TRPC7: variants seen among roughly 807,000 people sequenced by gnomAD.
The protein encoded by TRPC7 is transient receptor potential cation channel subfamily C member 7.
Under a neutral mutation model 90.1 loss-of-function variants are expected in TRPC7, and 42 were observed. That is an observed-to-expected ratio of 0.47 (90% confidence interval 0.36 to 0.60). The LOEUF (loss-of-function observed/expected upper bound fraction) is 0.60, where lower values mean the gene tolerates loss of function less well. Among genes scored for constraint, TRPC7 ranks in the 20% least tolerant of loss-of-function variants. The pLI, the probability that TRPC7 is intolerant of heterozygous loss-of-function variation, is 0.00. For missense variants in TRPC7, 955 were observed against 1,112.3 expected (o/e 0.86, Z 2.01); for synonymous variants, 451 against 436.3 (o/e 1.03, Z -0.42).
At chr5:136,297,873 C>G (rs1758235721) in intron 3 of TRPC7, among the ~76,000 whole-genome samples, 2 of 152,162 alleles carry the variant, frequency 1.3e-5, no homozygotes, top group African/African-American at 2.4e-5. Context: ...TGTGAGTTTC[C>G]TCAACAGCAT....
At chr5:136,253,808 T>C (rs532416307) in intron 5 of TRPC7, among the ~76,000 whole-genome samples, 86 of 152,334 alleles carry the variant, frequency 5.6e-4, no homozygotes, top group Non-Finnish European at 7.4e-4. Context: ...ATTTCTCACT[T>C]TAAATCAAAA....
intron 3 of TRPC7, among the ~76,000 whole-genome samples, chr5:136,300,006 T>A (rs2149830408): frequency 6.6e-6 from 1 of 152,294 alleles, no homozygotes; most frequent in East Asian, 1.9e-4. Flanking sequence ...GTATATAAGC[T>A]AAGTCTATGT....
chr5:136,347,428 C>T (rs1162678169), intron 2 of TRPC7, among the ~76,000 whole-genome samples: 1 of 152,124 alleles, frequency 6.6e-6, no homozygotes, highest in Non-Finnish European at 1.5e-5. Flanking sequence ...TTTATTTATG[C>T]TAAAATGAGC....
intron 1 of TRPC7, among the ~76,000 whole-genome samples, chr5:136,363,152 C>T (rs1352201401): frequency 1.3e-5 from 2 of 152,138 alleles, no homozygotes. Context: ...GATGAAGCAG[C>T]TAATATCAGA....
At chr5:136,314,980 A>G (rs1334633644) in intron 3 of TRPC7, among the ~76,000 whole-genome samples, 3 of 152,172 alleles carry the variant, frequency 2.0e-5, no homozygotes. Flanking sequence ...AGTAGCCACT[A>G]CAGGTCTGAG....
chr5:136,317,426 C>T lies in TRPC7; in HGVS notation c.781-1647G>A, dbSNP rs1042823168. On this transcript the variant is annotated intron_variant, in intron 2 of 11. Transcript: ENST00000513104. Reference sequence around the variant, plus strand: ...GAGGGAAGAGGAGGGGCTTGAGTTCCACCCTCAGATTTGCACAAGGCTAAG... The same window carrying T: ...GAGGGAAGAGGAGGGGCTTGAGTTCTACCCTCAGATTTGCACAAGGCTAAG... Among the ~76,000 whole-genome samples, 7 of 152,168 alleles carry T rather than the reference C, an allele frequency of 4.6e-5. No homozygotes were observed. The East Asian group carries it at 5.8e-4, about 13-fold the overall frequency.
chr5:136,287,886 T>G (rs1411143684), intron 3 of TRPC7, among the ~76,000 whole-genome samples: 2 of 151,962 alleles, frequency 1.3e-5, no homozygotes, highest in East Asian at 3.9e-4. Context: ...TTCAGGGCCG[T>G]GGTACAACAC....
intron 3 of TRPC7, among the ~76,000 whole-genome samples, chr5:136,313,082 G>T (rs1246921872): frequency 6.8e-6 from 1 of 147,572 alleles, no homozygotes; most frequent in African/African-American, 2.5e-5. Flanking sequence ...TTCTCATAGT[G>T]TTGGCATTAC....
At chr5:136,213,688 T>C in intron 11 of TRPC7, 84 bp from the exon 12 acceptor site, 1 of 1,467,580 alleles carries the variant, frequency 6.8e-7, no homozygotes, top group Non-Finnish European at 9.4e-7. Flanking sequence ...ATGTGCATCC[T>C]TCCAGTGGAA....
At chr5:136,361,734 C>T (rs1448747894) in intron 1 of TRPC7, among the ~76,000 whole-genome samples, 1 of 152,156 alleles carries the variant, frequency 6.6e-6, no homozygotes, top group Non-Finnish European at 1.5e-5. Context: ...TAGAACCAAA[C>T]AGAATCTAGG....
chr5:136,223,380 G>A (rs566797514), intron 10 of TRPC7, among the ~76,000 whole-genome samples: 3 of 152,266 alleles, frequency 2.0e-5, no homozygotes, highest in South Asian at 4.1e-4. Flanking sequence ...TTGGGAGGCC[G>A]AGGCAGGTGG....
intron 3 of TRPC7, among the ~76,000 whole-genome samples, chr5:136,305,086 C>T (rs1172858659): frequency 6.6e-6 from 1 of 152,210 alleles, no homozygotes; most frequent in African/African-American, 2.4e-5. Context: ...ATACTTTCTG[C>T]TCCCCGGCTC....
At chr5:136,318,043 A>G (rs953571714) in intron 2 of TRPC7, among the ~76,000 whole-genome samples, 2 of 152,228 alleles carry the variant, frequency 1.3e-5, no homozygotes, top group Non-Finnish European at 2.9e-5. Context: ...GCTGGAAGGC[A>G]ATAAGCGTTC....
intron 4 of TRPC7, 135 bp downstream of exon 4, chr5:136,274,538 C>T: frequency 1.0e-6 from 1 of 975,908 alleles, no homozygotes; most frequent in Non-Finnish European, 1.4e-6. Flanking sequence ...TTCCTACTTT[C>T]ACCGGGTATC....
At chr5:136,240,842 G>A (rs1756138878) in intron 7 of TRPC7, among the ~76,000 whole-genome samples, 1 of 152,130 alleles carries the variant, frequency 6.6e-6, no homozygotes, top group Non-Finnish European at 1.5e-5. Context: ...GAAAGCAGGT[G>A]CATATTTTTC....
At chr5:136,311,494 C>T (rs1758829240) in intron 3 of TRPC7, among the ~76,000 whole-genome samples, 1 of 152,142 alleles carries the variant, frequency 6.6e-6, no homozygotes, top group African/African-American at 2.4e-5. Flanking sequence ...TGGGTTGGTT[C>T]CCAGTTGTTG....
At chr5:136,240,637 T>C (rs968507897) in intron 7 of TRPC7, among the ~76,000 whole-genome samples, 1 of 152,182 alleles carries the variant, frequency 6.6e-6, no homozygotes, top group African/African-American at 2.4e-5. Flanking sequence ...TTTAGAGTCT[T>C]AGCATCCATC....
At chr5:136,298,762 C>T (rs1174763741) in intron 3 of TRPC7, among the ~76,000 whole-genome samples, 1 of 152,176 alleles carries the variant, frequency 6.6e-6, no homozygotes, top group Non-Finnish European at 1.5e-5. Flanking sequence ...CCTCTCTTAG[C>T]TTACCTTCTT....
At chr5:136,255,457 C>G (rs1407846050) in intron 5 of TRPC7, among the ~76,000 whole-genome samples, 4 of 152,208 alleles carry the variant, frequency 2.6e-5, no homozygotes, top group Non-Finnish European at 5.9e-5. Flanking sequence ...TTAGCATTTT[C>G]TAGCAATAGA....
Sources: allele counts gnomAD v4.1 joint callset (sites outside exome capture counted in the v4.1 genomes callset), GRCh38; gene constraint gnomAD v4.1.1; transcripts MANE v1.5; gene names NCBI Gene and HGNC (gene_info 2026-07-23, HGNC 2026-07-21).